RBFOX1: variants seen among roughly 807,000 people sequenced by gnomAD.
The protein encoded by RBFOX1 is RNA binding protein fox-1 homolog 1.
Under a neutral mutation model 57.7 loss-of-function variants are expected in RBFOX1, and 8 were observed. The ratio of observed to expected loss-of-function variants is 0.14; its 90% CI spans 0.08 to 0.25. The LOEUF is 0.25. RBFOX1 is among the 10% of genes least tolerant of loss of function. The pLI, the probability that RBFOX1 is intolerant of heterozygous loss-of-function variation, is 1.00. For synonymous variants in RBFOX1, 326 were observed against 222.4 expected (o/e 1.47, Z -4.15); for missense variants, 611 against 548.5 (o/e 1.11, Z -1.14).
chr16:6,044,682 G>A (rs1397027114), intron 1 of RBFOX1, among the ~76,000 whole-genome samples: 1 of 152,036 alleles, frequency 6.6e-6, no homozygotes, highest in Non-Finnish European at 1.5e-5. Flanking sequence ...TTTTGATTGT[G>A]CGGAAACTAT....
chr16:7,527,631 T>G (rs1232781941), intron 5 of RBFOX1, among the ~76,000 whole-genome samples: 1 of 152,162 alleles, frequency 6.6e-6, no homozygotes, highest in Non-Finnish European at 1.5e-5. Context: ...TGACCCAGAG[T>G]GGGACCATAG....
chr16:5,818,519 A>C (rs1411051079), intron 3 of RBFOX1, among the ~76,000 whole-genome samples: 1 of 152,178 alleles, frequency 6.6e-6, no homozygotes, highest in Non-Finnish European at 1.5e-5. Flanking sequence ...TCACCTTCTG[A>C]AATCCGTCTC....
intron 3 of RBFOX1, among the ~76,000 whole-genome samples, chr16:6,886,062 T>C (rs376796273): frequency 4.7e-4 from 65 of 137,270 alleles, no homozygotes; most frequent in Non-Finnish European, 5.8e-4. Flanking sequence ...AGTATTTTTT[T>C]TTTCTTTTTT....
In RBFOX1 at chr16:6,229,261, C is replaced by G. The variant is rs532355069; in HGVS notation, c.-126-87734C>G. Reference sequence around the variant, plus strand: ...TAGAGAGCAAAACTCAAAAGCAAACCTCTTTCTCCAAGGAAAATACTATAC... The same window carrying G: ...TAGAGAGCAAAACTCAAAAGCAAACGTCTTTCTCCAAGGAAAATACTATAC... On this transcript the variant is annotated intron_variant, in intron 1 of 15. Transcript: ENST00000550418. Among the ~76,000 whole-genome samples the G allele has an allele frequency of 3.1e-3, 470 of 152,210 alleles. 1 individual carries two copies. The highest frequency in any genetic ancestry group is 5.3e-3 in the Admixed American group (81 of 15,290).
At chr16:5,955,869 C>T (rs1295430668) in intron 4 of RBFOX1, among the ~76,000 whole-genome samples, 1 of 152,158 alleles carries the variant, frequency 6.6e-6, no homozygotes, top group Non-Finnish European at 1.5e-5. Context: ...CAGGTTGATT[C>T]AGGAAGATAA....
chr16:5,617,208 C>T (rs1201756736), intron 3 of RBFOX1, among the ~76,000 whole-genome samples: 1 of 152,174 alleles, frequency 6.6e-6, no homozygotes, highest in Admixed American at 6.5e-5. Context: ...TCACTTCCGA[C>T]TTTGACCCCA....
At chr16:6,863,440 A>T (rs2059356726) in intron 3 of RBFOX1, among the ~76,000 whole-genome samples, 1 of 152,088 alleles carries the variant, frequency 6.6e-6, no homozygotes, top group African/African-American at 2.4e-5. Flanking sequence ...GGAAGGAACT[A>T]AGCAAGTTTT....
chr16:6,893,426 C>T (rs1216995454), intron 3 of RBFOX1, among the ~76,000 whole-genome samples: 1 of 152,194 alleles, frequency 6.6e-6, no homozygotes, highest in East Asian at 1.9e-4. Context: ...GAAACTACCT[C>T]ATTCATCAAA....
At chr16:6,221,166 A>G (rs1288068711) in intron 1 of RBFOX1, among the ~76,000 whole-genome samples, 1 of 152,214 alleles carries the variant, frequency 6.6e-6, no homozygotes, top group Non-Finnish European at 1.5e-5. Flanking sequence ...AGTACTTTAC[A>G]TGTATTTCCA....
At chr16:5,590,780 C>A (rs2046981900) in intron 2 of RBFOX1, among the ~76,000 whole-genome samples, 1 of 152,138 alleles carries the variant, frequency 6.6e-6, no homozygotes, top group Non-Finnish European at 1.5e-5. Context: ...TTGCCTGGAG[C>A]ATTGGGTTGA....
chr16:6,839,248 G>A lies in RBFOX1; in HGVS notation c.-16+184598G>A, dbSNP rs146261356. Among the ~76,000 whole-genome samples, 1,032 of 152,192 alleles carry A rather than the reference G, an allele frequency of 6.8e-3. 17 individuals carry two copies. The highest frequency in any genetic ancestry group is 0.023 in the African/African-American group (951 of 41,536). On this transcript the variant is annotated intron_variant, in intron 3 of 15. Transcript: ENST00000550418. ...GATCCACCCGCCTCAGCCCCCCAAA[G>A]TGCTGGGATTACAGGCAAGAGCCAC...
At chr16:7,461,568 G>C (rs537964181) in intron 4 of RBFOX1, among the ~76,000 whole-genome samples, 7 of 152,278 alleles carry the variant, frequency 4.6e-5, no homozygotes, top group African/African-American at 1.7e-4. Context: ...CAAGAACTTA[G>C]AATTGACATT....
At chr16:7,310,295 T>G (rs966124203) in intron 4 of RBFOX1, among the ~76,000 whole-genome samples, 1 of 152,200 alleles carries the variant, frequency 6.6e-6, no homozygotes, top group Admixed American at 6.5e-5. Context: ...GTGGTTGGAA[T>G]GTCCTGGCTC....
At chr16:6,170,861 T>C (rs894876900) in intron 1 of RBFOX1, among the ~76,000 whole-genome samples, 1 of 152,200 alleles carries the variant, frequency 6.6e-6, no homozygotes, top group Non-Finnish European at 1.5e-5. Context: ...TGTTCCTGCC[T>C]TAGTTTGCTA....
At chr16:5,518,589 C>A (rs542303851) in intron 2 of RBFOX1, among the ~76,000 whole-genome samples, 1 of 152,270 alleles carries the variant, frequency 6.6e-6, no homozygotes, top group South Asian at 2.1e-4. Flanking sequence ...AATCCATAAA[C>A]CTGCAAGGAT....
At chr16:7,333,235 A>T (rs529208747) in intron 4 of RBFOX1, 4 of 704,234 alleles carry the variant, frequency 5.7e-6, no homozygotes, top group Non-Finnish European at 9.7e-6. Flanking sequence ...AATCAAAAAG[A>T]TGGATCACCC....
intron 1 of RBFOX1, among the ~76,000 whole-genome samples, chr16:6,254,396 A>G (rs1292016225): frequency 6.6e-6 from 1 of 152,216 alleles, no homozygotes; most frequent in African/African-American, 2.4e-5. Flanking sequence ...GAGATTGGAA[A>G]TAAGAGCTTT....
At chr16:5,630,783 G>T (rs974741965) in intron 3 of RBFOX1, among the ~76,000 whole-genome samples, 89 of 152,214 alleles carry the variant, frequency 5.8e-4, no homozygotes, top group African/African-American at 1.9e-3. Context: ...GACTTCAATT[G>T]TTGGAAAAAA....
intron 4 of RBFOX1, among the ~76,000 whole-genome samples, chr16:7,371,944 A>G (rs1455818830): frequency 1.3e-5 from 2 of 152,028 alleles, no homozygotes; most frequent in Non-Finnish European, 2.9e-5. Context: ...GACATACCTT[A>G]TTTAAGTCAT....
Sources: allele counts gnomAD v4.1 joint callset (sites outside exome capture counted in the v4.1 genomes callset), GRCh38; gene constraint gnomAD v4.1.1; transcripts MANE v1.5; gene names NCBI Gene and HGNC (gene_info 2026-07-23, HGNC 2026-07-21).